RNLS: variants seen among roughly 807,000 people sequenced by gnomAD.
RNLS encodes the protein renalase, FAD dependent amine oxidase.
A neutral mutation model predicts 39.8 loss-of-function variants in RNLS; 39 were observed. The observed-to-expected ratio is 0.98, with a 90% confidence interval of 0.76 to 1.28. The LOEUF (loss-of-function observed/expected upper bound fraction) is 1.28. Ranked by LOEUF, RNLS falls within the 50% of genes most tolerant of loss-of-function variation. The probability of loss-of-function intolerance (pLI) is 0.00; values close to 1 mark genes in which losing one functional copy is unlikely to be tolerated. For missense variants in RNLS, 410 were observed against 413.3 expected (o/e 0.99, Z 0.07); for synonymous variants, 147 against 150.7 (o/e 0.98, Z 0.18).
Position 88,426,197 on chromosome 10 carries a change from A to T in RNLS, c.527-63472T>A, listed in dbSNP as rs111972721. 1.4e-4 allele frequency among the ~76,000 whole-genome samples: 21 copies of T among 152,230 alleles called. 1 individual carries two copies. Among genetic ancestry groups the T allele is most frequent in the African/African-American group, 4.6e-4 (19 of 41,562 alleles). ...AAGATCACAGTCTAATGTGGAACAC[A>T]GAGAAGTACACAAGAATTAAAACCC... On this transcript the variant is annotated intron_variant, in intron 4 of 6. Coordinates refer to ENST00000331772, the MANE Select transcript of RNLS (RefSeq NM_001031709.3).
chr10:88,318,966 T>G (rs7091066), intron 5 of RNLS, among the ~76,000 whole-genome samples: 36,285 of 152,062 alleles, frequency 0.24, 4,567 homozygotes, highest in East Asian at 0.35. Flanking sequence ...GCTCTTACTC[T>G]TAAGTGCCAC....
intron 4 of RNLS, among the ~76,000 whole-genome samples, chr10:88,394,701 C>A (rs1852440202): frequency 6.6e-6 from 1 of 152,014 alleles, no homozygotes; most frequent in Non-Finnish European, 1.5e-5. Flanking sequence ...TGGGTATATA[C>A]CCAAAGGATT....
intron 4 of RNLS, among the ~76,000 whole-genome samples, chr10:88,549,041 T>C (rs2134325779): frequency 6.6e-6 from 1 of 152,206 alleles, no homozygotes; most frequent in Non-Finnish European, 1.5e-5. Flanking sequence ...TGGTATTCAA[T>C]GTGAAAAATC....
rs143064613 is a variant in RNLS, at chr10:88,444,157, G to A, written c.527-81432C>T. ...GAACGATCAGGTAGCAACATTTGCT[G>A]ATCAGCAATATTCGCTGTTCTGCAG... On this transcript the variant is annotated intron_variant, in intron 4 of 6. Transcript: ENST00000331772. Among the ~76,000 whole-genome samples, 747 of 152,352 alleles carry A rather than the reference G, an allele frequency of 4.9e-3. 3 individuals carry two copies. The highest frequency in any genetic ancestry group is 0.017 in the African/African-American group (704 of 41,588).
chr10:88,442,464 T>C (rs1357925039), intron 4 of RNLS, among the ~76,000 whole-genome samples: 3 of 152,248 alleles, frequency 2.0e-5, no homozygotes, highest in African/African-American at 4.8e-5. Flanking sequence ...TCCACTTTTG[T>C]TTCTTGTTAA....
chr10:88,408,052 G>T (rs1365137868), intron 4 of RNLS, among the ~76,000 whole-genome samples: 1 of 152,074 alleles, frequency 6.6e-6, no homozygotes, highest in Non-Finnish European at 1.5e-5. Context: ...TTCTTAAAGA[G>T]ATAGGGCACA....
intron 5 of RNLS, among the ~76,000 whole-genome samples, chr10:88,345,037 T>C (rs1848216608): frequency 6.6e-6 from 1 of 152,096 alleles, no homozygotes; most frequent in Non-Finnish European, 1.5e-5. Context: ...ACATACGATT[T>C]TAGAGGGCAT....
chr10:88,314,300 A>G (rs1845592602), intron 6 of RNLS, among the ~76,000 whole-genome samples, 166 bp downstream of exon 6: 1 of 152,218 alleles, frequency 6.6e-6, no homozygotes, highest in Non-Finnish European at 1.5e-5. Context: ...GCAGGACCAT[A>G]AAACCCATAG....
chr10:88,327,968 G>T (rs1010732287), intron 5 of RNLS, among the ~76,000 whole-genome samples: 3 of 152,130 alleles, frequency 2.0e-5, no homozygotes, highest in Admixed American at 2.0e-4. Flanking sequence ...GAGTGCAGTG[G>T]CACAATCTTG....
At chr10:88,519,471 T>C (rs759163913) in intron 4 of RNLS, among the ~76,000 whole-genome samples, 53 of 150,858 alleles carry the variant, frequency 3.5e-4, no homozygotes, top group Admixed American at 7.3e-4. Context: ...ATGTCAAATA[T>C]GTTGTTCATT....
intron 4 of RNLS, among the ~76,000 whole-genome samples, chr10:88,569,332 T>G (rs1849697364): frequency 6.9e-6 from 1 of 145,662 alleles, no homozygotes; most frequent in African/African-American, 2.5e-5. Flanking sequence ...TTTTTTTTTT[T>G]GTAACAGCAA....
intron 6 of RNLS, among the ~76,000 whole-genome samples, chr10:88,303,862 C>T (rs1256277781): frequency 6.6e-6 from 1 of 152,226 alleles, no homozygotes; most frequent in Non-Finnish European, 1.5e-5. Flanking sequence ...AGACCACTTC[C>T]AGTGCGACTG....
At chr10:88,390,178 A>C (rs1852108843) in intron 4 of RNLS, among the ~76,000 whole-genome samples, 1 of 152,206 alleles carries the variant, frequency 6.6e-6, no homozygotes, top group Non-Finnish European at 1.5e-5. Context: ...TTGTGACCAG[A>C]CTTAGTGACT....
chr10:88,334,668 G>C (rs1847356078), intron 5 of RNLS, among the ~76,000 whole-genome samples: 1 of 152,116 alleles, frequency 6.6e-6, no homozygotes, highest in Non-Finnish European at 1.5e-5. Context: ...CTCCCCTCTA[G>C]ATTGAGGGGT....
At chr10:88,476,982 C>T (rs2134000942) in intron 4 of RNLS, among the ~76,000 whole-genome samples, 1 of 142,968 alleles carries the variant, frequency 7.0e-6, no homozygotes, top group South Asian at 2.4e-4. Context: ...GCAGTTTTGC[C>T]ACAAAAAGTA....
At chr10:88,561,314 A>T (rs145096552) in intron 4 of RNLS, among the ~76,000 whole-genome samples, 2 of 152,296 alleles carry the variant, frequency 1.3e-5, no homozygotes, top group Non-Finnish European at 2.9e-5. Flanking sequence ...TTAAAACCAC[A>T]AATTGATTAT....
chr10:88,410,917 T>G (rs1167380431), intron 4 of RNLS, among the ~76,000 whole-genome samples: 7 of 152,282 alleles, frequency 4.6e-5, no homozygotes, highest in Middle Eastern at 3.4e-3. Context: ...TTGAGGTACT[T>G]CAAGGGAATC....
intron 5 of RNLS, among the ~76,000 whole-genome samples, chr10:88,340,790 G>A (rs144032445): frequency 0.017 from 2,629 of 152,106 alleles, 65 homozygotes; most frequent in African/African-American, 0.048. Context: ...GGCTGGGTGC[G>A]GTGGCTCTCA....
At chr10:88,501,637 T>A (rs1845490700) in intron 4 of RNLS, among the ~76,000 whole-genome samples, 1 of 152,154 alleles carries the variant, frequency 6.6e-6, no homozygotes, top group African/African-American at 2.4e-5. Flanking sequence ...CCGCAATGCG[T>A]TAGTTCTTAA....
Sources: allele counts gnomAD v4.1 joint callset (sites outside exome capture counted in the v4.1 genomes callset), GRCh38; gene constraint gnomAD v4.1.1; transcripts MANE v1.5; gene names NCBI Gene and HGNC (gene_info 2026-07-23, HGNC 2026-07-21).